Variants in KDM3A observed in about 807,000 individuals in gnomAD.
The protein encoded by KDM3A is lysine demethylase 3A, also known as lysine-specific demethylase 3A.
KDM3A carries 60 observed loss-of-function variants against 158.0 expected under a neutral mutation model. The observed-to-expected ratio is 0.38, with a 90% CI of 0.31 to 0.47. The LOEUF (loss-of-function observed/expected upper bound fraction) is 0.47, where lower values mean the gene tolerates loss of function less well. Among genes scored for constraint, KDM3A ranks in the 20% least tolerant of loss-of-function variants. The pLI, the probability that KDM3A is intolerant of heterozygous loss-of-function variation, is 0.99. For synonymous variants in KDM3A, 608 were observed against 549.3 expected (o/e 1.11, Z -1.49); for missense variants, 1,319 against 1,574.3 (o/e 0.84, Z 2.74).
chr2:86,489,570 C>T lies in KDM3A; in HGVS notation c.3484C>T (p.Arg1162Ter). The part of the protein sequence containing the change: ...DGDSDELTIK[R>*]FIEGKEKPGA... ...AGATTCTGACGAACTCACAATAAAG[C>T]GATTTATTGAAGGAAAAGAGAAGCC... Residue 1162 changes from arginine (R) to a stop codon, truncating the protein, a stop_gained, in exon 23 of 26, where the codon CGA becomes TGA. Coordinates refer to ENST00000312912, the MANE Select transcript of KDM3A (RefSeq NM_018433.6). LOFTEE classifies it high-confidence loss of function. 3 of 1,613,734 alleles carry T rather than the reference C, an allele frequency of 1.9e-6. No homozygotes were observed. Among genetic ancestry groups the T allele is most frequent in the Non-Finnish European group, 2.5e-6 (3 of 1,179,900 alleles).
chr2:86,444,647 T>C (rs959648984), intron 2 of KDM3A, among the ~76,000 whole-genome samples: 2 of 140,542 alleles, frequency 1.4e-5, no homozygotes, highest in African/African-American at 5.4e-5. Flanking sequence ...CATTAAGTTT[T>C]TGGGGGGTGA....
At chr2:86,475,199 G>A (rs1307121908) in intron 12 of KDM3A, among the ~76,000 whole-genome samples, 1 of 152,100 alleles carries the variant, frequency 6.6e-6, no homozygotes, top group Non-Finnish European at 1.5e-5. Context: ...TAACAGAGGA[G>A]TGGAACTCCT....
At chr2:86,476,789 C>G (rs373238564) in intron 12 of KDM3A, among the ~76,000 whole-genome samples, 3 of 152,298 alleles carry the variant, frequency 2.0e-5, no homozygotes, top group East Asian at 3.9e-4. Flanking sequence ...GAAGTTCATT[C>G]AGCAGTTGGA....
At chr2:86,454,981 T>A in intron 4 of KDM3A, 104 bp from the exon 5 acceptor site, 1 of 625,190 alleles carries the variant, frequency 1.6e-6, no homozygotes, top group Non-Finnish European at 2.7e-6. Flanking sequence ...TTGTTGACAC[T>A]ACTTTAACCC....
chr2:86,470,915 A>C (rs1320725412), intron 11 of KDM3A, among the ~76,000 whole-genome samples: 1 of 152,184 alleles, frequency 6.6e-6, no homozygotes, highest in Non-Finnish European at 1.5e-5. Context: ...CCTTGTTGGT[A>C]TTAAGATTAT....
At position 86,442,113 on chromosome 2, in the gene KDM3A, A is replaced by G; in HGVS notation, c.66A>G (p.Ala22=). 1.2e-6 allele frequency: 2 copies of G among 1,614,140 alleles called. No homozygotes were observed. Among genetic ancestry groups the G allele is most frequent in the Non-Finnish European group, 1.7e-6 (2 of 1,180,016 alleles). Reference sequence around the variant, plus strand: ...GGAGGAGGTTTCTCAGTCTGTCCGCAGCCGACGGCAGCGATGGCAGCCACG... The same window carrying G: ...GGAGGAGGTTTCTCAGTCTGTCCGCGGCCGACGGCAGCGATGGCAGCCACG... ...LVGRRFLSLS[A]ADGSDGSHDS... The change falls in exon 2 of 26, where the codon GCA becomes GCG. Residue 22 remains alanine (A), a synonymous_variant. Coordinates refer to ENST00000312912, the MANE Select transcript of KDM3A (RefSeq NM_018433.6).
At position 86,466,794 on chromosome 2, in the gene KDM3A, T is replaced by C; in HGVS notation, c.1430T>C (p.Leu477Ser). Reference protein sequence around the residue: ...CSGKKVEPSALACRSQNLKES... With the variant: ...CSGKKVEPSASACRSQNLKES... ...GGAAAAAAGGTAGAACCTTCAGCTT[T>C]AGCTTGCCGATCACAGAATTTAAAG... is the stretch of plus-strand genomic sequence containing the variant. The change falls in exon 10 of 26, where the codon TTA (leucine) becomes TCA (serine). Residue 477 changes from leucine to serine, a missense_variant. This residue lies in a region of KDM3A where 652 missense variants were observed against 627.2 expected (regional missense o/e 1.04). Transcript: ENST00000312912. The C allele has an allele frequency of 6.2e-7, 1 of 1,613,624 alleles. No individual in the cohort carries two copies.
intron 9 of KDM3A, among the ~76,000 whole-genome samples, chr2:86,464,509 AT>A (rs2104660272): frequency 6.6e-6 from 1 of 152,306 alleles, no homozygotes; most frequent in Non-Finnish European, 1.5e-5. Context: ...AAGGGAACAG[AT>A]TGGTTGTACA....
chr2:86,443,093 A>G (rs1404150224), intron 2 of KDM3A: 2 of 152,226 alleles, frequency 1.3e-5, no homozygotes, highest in Non-Finnish European at 2.9e-5. Flanking sequence ...GTACCAACAA[A>G]GACTCCTTTG....
intron 16 of KDM3A, among the ~76,000 whole-genome samples, chr2:86,480,980 A>G (rs1673896546): frequency 6.6e-6 from 1 of 152,206 alleles, no homozygotes; most frequent in Non-Finnish European, 1.5e-5. Context: ...TATAGAAACC[A>G]GCTCATTTGA....
At chr2:86,485,884 A>G (rs1203391935) in intron 21 of KDM3A, 25 bp downstream of exon 21, 2 of 1,601,026 alleles carry the variant, frequency 1.2e-6, no homozygotes, top group Non-Finnish European at 1.7e-6. Context: ...GCTAACTTTA[A>G]AATGGAAATA....
chr2:86,478,562 G>T, intron 14 of KDM3A, 46 bp from the exon 15 acceptor site: 1 of 1,603,302 alleles, frequency 6.2e-7, no homozygotes. Context: ...GAGGTTGAAA[G>T]TTCCTAATAT....
chr2:86,481,986 C>T lies in KDM3A; in HGVS notation c.2569C>T (p.Pro857Ser), dbSNP rs1392622949. 2 of 1,614,044 alleles carry T rather than the reference C, an allele frequency of 1.2e-6. No homozygotes were observed. Among genetic ancestry groups the T allele is most frequent in the Admixed American group, 3.3e-5 (2 of 60,020 alleles). The change falls in exon 17 of 26, where the codon CCA (proline) becomes TCA (serine). Residue 857 changes from proline (P) to serine (S), a missense_variant. By Grantham distance (74) the Pro-to-Ser change is moderately conservative. This residue lies in a region of KDM3A where 368 missense variants were observed against 415.8 expected (regional missense o/e 0.89). Coordinates refer to ENST00000312912, the MANE Select transcript of KDM3A (RefSeq NM_018433.6). ...KNEIKCLPPL[P>S]PLSKSSTVLH... ...TGAAATCAAATGCCTTCCACCCCTC[C>T]CACCTTTAAGCAAATCCAGCACAGT...
Position 86,482,580 on chromosome 2 carries a change from T to G in KDM3A, c.2808T>G (p.Ile936Met). The change falls in exon 18 of 26, where the codon ATT (isoleucine) becomes ATG (methionine). Residue 936 changes from isoleucine to methionine, a missense_variant. Ile to Met is a conservative substitution (Grantham distance 10). Coordinates refer to ENST00000312912, the MANE Select transcript of KDM3A (RefSeq NM_018433.6). The part of the protein sequence containing the change: ...RPQGLTIKPS[I>M]LGFDTPHYWL... ...AAGGACTAACCATCAAGCCCAGCATTCTGGGCTTTGACACTCCTCACTATT... is the reference window on the plus strand; with the variant it reads ...AAGGACTAACCATCAAGCCCAGCATGCTGGGCTTTGACACTCCTCACTATT... 6.2e-7 allele frequency: 1 copy of G among 1,613,388 alleles called. No homozygotes were observed. Among genetic ancestry groups the G allele is most frequent in the South Asian group, 1.1e-5 (1 of 91,060 alleles).
chr2:86,450,769 T>G (rs896270278), intron 3 of KDM3A, among the ~76,000 whole-genome samples: 1 of 152,270 alleles, frequency 6.6e-6, no homozygotes, highest in South Asian at 2.1e-4. Flanking sequence ...TATTTTTTTT[T>G]CCAGCTGTTT....
At chr2:86,484,564 G>T (rs770076276) in intron 19 of KDM3A, 35 of 239,014 alleles carry the variant, frequency 1.5e-4, no homozygotes, top group Non-Finnish European at 2.4e-4. Context: ...ATCGATGACA[G>T]CTGTTGAAAT....
chr2:86,474,829 A>G lies in KDM3A; in HGVS notation c.1778A>G (p.Asn593Ser). The change falls in exon 12 of 26, where the codon AAC becomes AGC. Residue 593 changes from asparagine (N) to serine (S), a missense_variant. Physicochemically the swap from Asn to Ser is conservative, Grantham distance 46 (BLOSUM62 1). Around this residue, in one of 4 missense-constraint regions of KDM3A, gnomAD observed 113 missense variants for 190.5 expected, o/e 0.59. Coordinates refer to ENST00000312912, the MANE Select transcript of KDM3A (RefSeq NM_018433.6). ...VLRVEGFLTP[N>S]KYDNEAIGLW... Reference sequence around the variant, plus strand: ...CGGGTAGAAGGCTTCTTAACACCAAACAAGTATGACAATGAAGCAATTGGC... The same window carrying G: ...CGGGTAGAAGGCTTCTTAACACCAAGCAAGTATGACAATGAAGCAATTGGC... 6.2e-7 allele frequency: 1 copy of G among 1,613,686 alleles called. No homozygotes were observed. The highest frequency in any genetic ancestry group is 8.5e-7 in the Non-Finnish European group (1 of 1,179,920).
At chr2:86,469,145 A>T (rs1291152623) in intron 10 of KDM3A, among the ~76,000 whole-genome samples, 4 of 152,328 alleles carry the variant, frequency 2.6e-5, no homozygotes, top group Admixed American at 2.6e-4. Context: ...TCATGTAGAA[A>T]TTTACATGTG....
chr2:86,478,323 T>C, intron 14 of KDM3A, 58 bp downstream of exon 14: 2 of 1,278,052 alleles, frequency 1.6e-6, no homozygotes, highest in Non-Finnish European at 2.3e-6. Context: ...TCATGGGAGC[T>C]GGTAGTTTTG....
Sources: gnomAD v4.1 joint callset for allele counts (sites outside exome capture counted in the v4.1 genomes callset) on GRCh38, gnomAD v4.1.1 for gene constraint, gnomAD v4.1.1 regional missense constraint, MANE v1.5 for transcripts, NCBI Gene and HGNC (gene_info 2026-07-23, HGNC 2026-07-21) for gene names.